Variants in DNTTIP2 observed in about 807,000 individuals in gnomAD.
The protein encoded by DNTTIP2 is deoxynucleotidyltransferase terminal-interacting protein 2.
In DNTTIP2, 47 loss-of-function variants were observed where a neutral mutation model predicts 62.4. That is an observed-to-expected ratio of 0.75 (90% CI 0.60 to 0.96). DNTTIP2 has a LOEUF of 0.96. DNTTIP2 is among the 40% of genes least tolerant of loss of function. DNTTIP2 has a pLI of 0.00. For synonymous variants in DNTTIP2, 322 were observed against 300.9 expected (o/e 1.07, Z -0.73); for missense variants, 870 against 849.1 (o/e 1.02, Z -0.31).
At chr1:93,871,629 C>G (rs978648780) in intron 5 of DNTTIP2, among the ~76,000 whole-genome samples, 1 of 152,140 alleles carries the variant, frequency 6.6e-6, no homozygotes, top group African/African-American at 2.4e-5. Context: ...TTATTAATGG[C>G]TAAATGAAAG....
chr1:93,873,325 T>A (rs1655917159), intron 3 of DNTTIP2, 111 bp from the exon 4 acceptor site: 1 of 772,998 alleles, frequency 1.3e-6, no homozygotes, highest in Non-Finnish European at 2.1e-6. Context: ...GCAAAGTGGC[T>A]CACACCTATA....
Position 93,875,328 on chromosome 1 carries a change from T to A in DNTTIP2, c.1806+317A>T, listed in dbSNP as rs1327654361. Among the ~76,000 whole-genome samples, 3 of 152,272 alleles carry A rather than the reference T, an allele frequency of 2.0e-5. No homozygotes were observed. In the East Asian group the frequency reaches 5.8e-4, roughly 29 times the overall value. On this transcript the variant is annotated intron_variant, in intron 3 of 6. Coordinates refer to ENST00000436063, the MANE Select transcript of DNTTIP2 (RefSeq NM_014597.5). ...CAGGCAGGCATTCACAGCTTTCAGA[T>A]TCTCAACAGTCTACACTAGTTAAGA...
At chr1:93,878,214 G>T (rs1656067539) in intron 1 of DNTTIP2, among the ~76,000 whole-genome samples, 1 of 152,150 alleles carries the variant, frequency 6.6e-6, no homozygotes, top group Non-Finnish European at 1.5e-5. Flanking sequence ...TGAGGCAGAA[G>T]AATTGTTGGA....
Position 93,872,230 on chromosome 1 carries a change from GTTCT to G in DNTTIP2, c.1905_1908del (p.Lys635AsnfsTer13). The G allele has an allele frequency of 1.2e-6, 2 of 1,612,358 alleles. No homozygotes were observed. Among genetic ancestry groups the G allele is most frequent in the South Asian group, 1.1e-5 (1 of 90,782 alleles). On this transcript the variant is annotated frameshift_variant and splice_region_variant, in exon 5 of 7. Coordinates refer to ENST00000436063, the MANE Select transcript of DNTTIP2 (RefSeq NM_014597.5). LOFTEE classifies it high-confidence loss of function. Reference sequence around the variant, plus strand: ...CAGCCATCCCCTGCTGTTTTTTGTCGTTCTTTCTGAAATTATGATTTCAAAAATA... The same window carrying G: ...CAGCCATCCCCTGCTGTTTTTTGTCGTTCTGAAATTATGATTTCAAAAATA...
At position 93,867,218 on chromosome 1, in the gene DNTTIP2, A is replaced by T. The variant is rs965445032; in HGVS notation, c.*2633T>A. Reference sequence around the variant, plus strand: ...AGCATTCTTTTCGAAATCTTTCAAGATCTTCTCAGGGGTATCTTGAAGGTC... The same window carrying T: ...AGCATTCTTTTCGAAATCTTTCAAGTTCTTCTCAGGGGTATCTTGAAGGTC... On this transcript the variant is annotated 3_prime_UTR_variant, in exon 7 of 7. Coordinates refer to ENST00000436063, the MANE Select transcript of DNTTIP2 (RefSeq NM_014597.5). 8.6e-5 allele frequency: 13 copies of T among 151,288 alleles called. No individual in the cohort carries two copies. Among genetic ancestry groups the T allele is most frequent in the African/African-American group, 3.2e-4 (13 of 41,100 alleles). 9.4% of individuals were successfully genotyped at this position (151,288 alleles called of 1,614,324 possible). A position where few individuals can be genotyped will look rare whatever the true frequency, so the allele number is the denominator to read the frequency against.
At position 93,875,703 on chromosome 1, in the gene DNTTIP2, T is replaced by A. The variant is rs1655983051; in HGVS notation, c.1748A>T (p.Asp583Val). ...GGTTCTCTTGTTAGACTGTAGTTTA[T>A]CTGCATTAAAATTAATATACAAACC... Reference protein sequence around the residue: ...LGGLYINFNADKLQSNKRTLT... With the variant: ...LGGLYINFNAVKLQSNKRTLT... Residue 583 changes from aspartate to valine, a missense_variant, in exon 3 of 7, where the codon GAT becomes GTT. Transcript: ENST00000436063. 6.2e-7 allele frequency: 1 copy of A among 1,613,588 alleles called. No homozygotes were observed.
At chr1:93,870,620 TA>T in intron 6 of DNTTIP2, 62 bp downstream of exon 6, 1 of 841,772 alleles carries the variant, frequency 1.2e-6, no homozygotes, top group Admixed American at 3.4e-5. Context: ...TTTGAAAATT[TA>T]TAAGTTTATA....
chr1:93,878,326 C>T (rs1421843275), intron 1 of DNTTIP2, among the ~76,000 whole-genome samples: 1 of 152,030 alleles, frequency 6.6e-6, no homozygotes, highest in Non-Finnish European at 1.5e-5. Context: ...ACAAAAAAAT[C>T]AAAATTTAAA....
Sources: gnomAD v4.1 joint callset for allele counts (sites outside exome capture counted in the v4.1 genomes callset) on GRCh38, gnomAD v4.1.1 for gene constraint, MANE v1.5 for transcripts, NCBI Gene and HGNC (gene_info 2026-07-23, HGNC 2026-07-21) for gene names.